The following SPTLC3 variants were observed in gnomAD, a reference collection of about 807,000 sequenced individuals.
SPTLC3 encodes the protein serine palmitoyltransferase long chain base subunit 3.
Under a neutral mutation model 59.3 loss-of-function variants are expected in SPTLC3, and 36 were observed. The observed-to-expected ratio is 0.61, with a 90% confidence interval of 0.47 to 0.80. SPTLC3 has a LOEUF of 0.80. SPTLC3 is among the 30% of genes least tolerant of loss of function. SPTLC3 has a pLI of 0.00. For synonymous variants in SPTLC3, 257 were observed against 240.8 expected (o/e 1.07, Z -0.62); for missense variants, 625 against 685.1 (o/e 0.91, Z 0.98).
intron 1 of SPTLC3, among the ~76,000 whole-genome samples, chr20:13,011,367 G>C (rs559109718): frequency 6.6e-6 from 1 of 152,230 alleles, no homozygotes; most frequent in African/African-American, 2.4e-5. Flanking sequence ...AACACGTTCT[G>C]CCTGGCCTAA....
intron 11 of SPTLC3, 188 bp from the exon 12 acceptor site, chr20:13,164,566 C>T: frequency 1.7e-6 from 1 of 599,044 alleles, no homozygotes; most frequent in East Asian, 2.9e-5. Context: ...AATTAATTAG[C>T]ATCTAACATT....
At chr20:13,094,519 C>T (rs1989345713) in intron 6 of SPTLC3, among the ~76,000 whole-genome samples, 1 of 152,146 alleles carries the variant, frequency 6.6e-6, no homozygotes, top group Non-Finnish European at 1.5e-5. Flanking sequence ...TCTTTCCTAG[C>T]TCTCCCCTCC....
At position 13,117,577 on chromosome 20, in the gene SPTLC3, T is replaced by C. The variant is rs773875757; in HGVS notation, c.1004T>C (p.Ile335Thr). 12 of 1,613,826 alleles carry C rather than the reference T, an allele frequency of 7.4e-6. No individual in the cohort carries two copies. In the African/African-American group the frequency reaches 1.5e-4, roughly 20 times the overall value. ...AAGAAATACAAGGCTTACCTCTACATAGATGAAGCTCACAGTATTGGGGCC... is the reference window on the plus strand; with the variant it reads ...AAGAAATACAAGGCTTACCTCTACACAGATGAAGCTCACAGTATTGGGGCC... ...LKKKYKAYLYIDEAHSIGAVG... is the reference protein window; with the variant it reads ...LKKKYKAYLYTDEAHSIGAVG... Residue 335 changes from isoleucine to threonine, a missense_variant, in exon 8 of 12, where the codon ATA becomes ACA. By Grantham distance (89) the Ile-to-Thr change is moderately conservative (BLOSUM62 -1). Coordinates refer to ENST00000399002, the MANE Select transcript of SPTLC3 (RefSeq NM_018327.4).
At chr20:13,087,571 T>C (rs997048533) in intron 4 of SPTLC3, among the ~76,000 whole-genome samples, 5 of 152,226 alleles carry the variant, frequency 3.3e-5, no homozygotes, top group African/African-American at 9.6e-5. Flanking sequence ...GTCTTCATTA[T>C]TCATCAAAAG....
intron 6 of SPTLC3, among the ~76,000 whole-genome samples, chr20:13,108,820 A>T (rs1990059669): frequency 6.6e-6 from 1 of 152,146 alleles, no homozygotes; most frequent in African/African-American, 2.4e-5. Flanking sequence ...GCTTTGCTAG[A>T]TGTCACCTTT....
intron 2 of SPTLC3, among the ~76,000 whole-genome samples, chr20:13,061,178 C>G (rs769515769): frequency 6.6e-6 from 1 of 152,102 alleles, no homozygotes; most frequent in South Asian, 2.1e-4. Context: ...TGAGGAATAC[C>G]GTGACTCAGG....
At chr20:13,093,663 C>A in intron 6 of SPTLC3, 86 bp downstream of exon 6, 2 of 1,248,398 alleles carry the variant, frequency 1.6e-6, no homozygotes, top group Non-Finnish European at 2.3e-6. Context: ...TTCTGCTCTT[C>A]AAGGTGACAA....
chr20:13,094,200 G>A (rs1027854989), intron 6 of SPTLC3, among the ~76,000 whole-genome samples: 6 of 152,112 alleles, frequency 3.9e-5, no homozygotes, highest in Non-Finnish European at 8.8e-5. Context: ...GAGTTCTCTC[G>A]TCCAGCTCTG....
At chr20:13,057,552 T>C (rs886991644) in intron 2 of SPTLC3, among the ~76,000 whole-genome samples, 1 of 152,216 alleles carries the variant, frequency 6.6e-6, no homozygotes, top group Non-Finnish European at 1.5e-5. Flanking sequence ...ATTCTGAAAT[T>C]GGTTCCCAAA....
At chr20:13,026,689 T>C (rs1986162829) in intron 1 of SPTLC3, among the ~76,000 whole-genome samples, 1 of 152,204 alleles carries the variant, frequency 6.6e-6, no homozygotes, top group Non-Finnish European at 1.5e-5. Context: ...AAGTGCAGTG[T>C]TGAAACTCGG....
intron 4 of SPTLC3, among the ~76,000 whole-genome samples, chr20:13,075,406 T>G (rs952012235): frequency 6.6e-6 from 1 of 152,226 alleles, no homozygotes. Flanking sequence ...ATGAACCACA[T>G]GTCCCTCTTA....
At chr20:13,057,983 C>G (rs895456499) in intron 2 of SPTLC3, among the ~76,000 whole-genome samples, 2 of 152,004 alleles carry the variant, frequency 1.3e-5, no homozygotes, top group Admixed American at 1.3e-4. Context: ...CGCTATGGTC[C>G]CAATATCAAA....
intron 9 of SPTLC3, among the ~76,000 whole-genome samples, chr20:13,153,609 C>T (rs1308691983): frequency 6.6e-6 from 1 of 152,152 alleles, no homozygotes; most frequent in African/African-American, 2.4e-5. Flanking sequence ...CTACCAATAT[C>T]TGCTATGAAG....
At chr20:13,067,915 A>G (rs6041836) in intron 2 of SPTLC3, among the ~76,000 whole-genome samples, 40,738 of 152,098 alleles carry the variant, frequency 0.27, 5,502 homozygotes, top group Middle Eastern at 0.33. Flanking sequence ...TTCTCACTCT[A>G]CAAGAGATAT....
At chr20:13,131,408 A>G (rs7261745) in intron 9 of SPTLC3, among the ~76,000 whole-genome samples, 1,553 of 152,278 alleles carry the variant, frequency 0.01, 18 homozygotes, top group African/African-American at 0.035. Context: ...TTCATTGCAA[A>G]TTAAAGGTTG....
At chr20:13,111,078 A>T in intron 7 of SPTLC3, among the ~76,000 whole-genome samples, 1 of 152,138 alleles carries the variant, frequency 6.6e-6, no homozygotes, top group Admixed American at 6.5e-5. Flanking sequence ...AGAAAAAAAA[A>T]GTGAATTCTC....
At chr20:13,114,729 T>TC (rs1298553009) in intron 7 of SPTLC3, among the ~76,000 whole-genome samples, 1 of 152,234 alleles carries the variant, frequency 6.6e-6, no homozygotes, top group Non-Finnish European at 1.5e-5. Flanking sequence ...ACTTTCTTTT[T>TC]CTCTCTTTCC....
At chr20:13,064,101 C>G (rs1408430296) in intron 2 of SPTLC3, among the ~76,000 whole-genome samples, 10 of 150,074 alleles carry the variant, frequency 6.7e-5, no homozygotes, top group African/African-American at 2.2e-4. Flanking sequence ...GTGATTTTGG[C>G]TCACTGCAAC....
At chr20:13,043,317 G>T (rs991217165) in intron 1 of SPTLC3, among the ~76,000 whole-genome samples, 1 of 152,108 alleles carries the variant, frequency 6.6e-6, no homozygotes, top group African/African-American at 2.4e-5. Context: ...ATCAACTAAG[G>T]CCTGAAAGCC....
Sources: allele counts gnomAD v4.1 joint callset (sites outside exome capture counted in the v4.1 genomes callset), GRCh38; gene constraint gnomAD v4.1.1; transcripts MANE v1.5; gene names NCBI Gene and HGNC (gene_info 2026-07-23, HGNC 2026-07-21).